HSPA12A: variants seen among roughly 807,000 people sequenced by gnomAD.
The protein encoded by HSPA12A is heat shock 70 kDa protein 12A.
HSPA12A carries 28 observed loss-of-function variants against 69.2 expected under a neutral mutation model. The observed-to-expected ratio is 0.40, with a 90% CI of 0.30 to 0.55. The LOEUF is 0.55. Among genes scored for constraint, HSPA12A ranks in the 20% least tolerant of loss-of-function variants. HSPA12A has a pLI of 0.38. For missense variants in HSPA12A, 686 were observed against 900.7 expected, an observed-to-expected ratio of 0.76 and a Z score of 3.05; for synonymous variants, 345 against 370.5, an observed-to-expected ratio of 0.93 and a Z score of 0.79.
chr10:116,798,199 AGCAGGGGTG>A (rs1229673460), intron 2 of HSPA12A, among the ~76,000 whole-genome samples: 1 of 151,442 alleles, frequency 6.6e-6, no homozygotes, highest in Non-Finnish European at 1.5e-5. Context: ...TGGGGCAGGG[AGCAGGGGTG>A]GCAGGAGGGA....
At chr10:116,791,041 G>A (rs553730175) in intron 2 of HSPA12A, among the ~76,000 whole-genome samples, 6 of 152,294 alleles carry the variant, frequency 3.9e-5, no homozygotes, top group South Asian at 2.1e-4. Context: ...CTAAATCTAC[G>A]TGTTTATTTG....
chr10:116,767,396 C>T (rs146585581), intron 2 of HSPA12A, among the ~76,000 whole-genome samples: 27 of 152,306 alleles, frequency 1.8e-4, no homozygotes, highest in African/African-American at 5.3e-4. Flanking sequence ...CAGCACTGTC[C>T]CTGCAGAGCT....
intron 2 of HSPA12A, among the ~76,000 whole-genome samples, chr10:116,827,050 A>G (rs1845521329): frequency 6.6e-6 from 1 of 152,204 alleles, no homozygotes; most frequent in South Asian, 2.1e-4. Context: ...GGTTCCGCAG[A>G]TGTTGGCTGA....
chr10:116,702,222 C>A (rs1411008803), intron 3 of HSPA12A, among the ~76,000 whole-genome samples: 1 of 152,164 alleles, frequency 6.6e-6, no homozygotes, highest in African/African-American at 2.4e-5. Context: ...GGGGCCACTG[C>A]AGAGAGGCCA....
At chr10:116,762,830 C>G (rs1554889407) in intron 2 of HSPA12A, among the ~76,000 whole-genome samples, 3 of 152,198 alleles carry the variant, frequency 2.0e-5, no homozygotes, top group Non-Finnish European at 2.9e-5. Context: ...CCTGCCTTAG[C>G]CTTCCAGAGT....
In HSPA12A at chr10:116,754,746, A is replaced by G. The variant is rs539601520; in HGVS notation, c.92-47461T>C. Among the ~76,000 whole-genome samples the G allele has an allele frequency of 4.6e-5, 7 of 152,388 alleles. No individual in the cohort carries two copies. In the South Asian group the frequency reaches 1.4e-3, roughly 32 times the overall value. ...TCTGTGTGTATATGGTTAAACACTT[A>G]TTAAACACAGGTAAGTTATAAAACA... On this transcript the variant is annotated intron_variant, in intron 2 of 12. Coordinates refer to the HSPA12A transcript ENST00000635765.
At chr10:116,742,667 G>A, upstream of HSPA12A, 2 of 926,038 alleles carry the variant, frequency 2.2e-6, no homozygotes, top group Non-Finnish European at 2.6e-6. Flanking sequence ...CCGCCCCTCC[G>A]AGCTCGGGCC....
chr10:116,803,281 G>A (rs1011070910), intron 2 of HSPA12A, among the ~76,000 whole-genome samples: 7 of 152,200 alleles, frequency 4.6e-5, no homozygotes, highest in Admixed American at 1.3e-4. Context: ...GCCAACATGC[G>A]TACACGCAGA....
At chr10:116,743,600 G>A (rs1019646870), upstream of HSPA12A, among the ~76,000 whole-genome samples, 1 of 152,196 alleles carries the variant, frequency 6.6e-6, no homozygotes, top group Non-Finnish European at 1.5e-5. Context: ...GTAACCACCA[G>A]CATCCCTCAC....
chr10:116,736,730 G>C (rs1381724849), intron 1 of HSPA12A, among the ~76,000 whole-genome samples: 1 of 152,106 alleles, frequency 6.6e-6, no homozygotes, highest in Non-Finnish European at 1.5e-5. Flanking sequence ...GCAATGAAAT[G>C]GATTATCCCC....
intron 2 of HSPA12A, among the ~76,000 whole-genome samples, chr10:116,770,415 A>T (rs781996148): frequency 6.6e-6 from 1 of 152,218 alleles, no homozygotes; most frequent in Non-Finnish European, 1.5e-5. Context: ...TCAGAGGCTC[A>T]GCGGACACCC....
chr10:116,746,276 A>T (rs1227117539), upstream of HSPA12A, among the ~76,000 whole-genome samples: 1 of 152,200 alleles, frequency 6.6e-6, no homozygotes, highest in Non-Finnish European at 1.5e-5. Flanking sequence ...TGCACCAGAC[A>T]GCCAGGGCAC....
chr10:116,790,188 G>A (rs932211142), intron 2 of HSPA12A, among the ~76,000 whole-genome samples: 7 of 136,996 alleles, frequency 5.1e-5, no homozygotes, highest in East Asian at 5.0e-4. Context: ...TGCAGGCTCC[G>A]CGCCCTGGGG....
chr10:116,745,990 C>G (rs1023159594), upstream of HSPA12A, among the ~76,000 whole-genome samples: 1 of 152,182 alleles, frequency 6.6e-6, no homozygotes, highest in Non-Finnish European at 1.5e-5. Context: ...CCACCTCCCC[C>G]TCTAGCTGCC....
At chr10:116,787,440 C>CAAAA (rs776783179) in intron 2 of HSPA12A, among the ~76,000 whole-genome samples, 21 of 68,500 alleles carry the variant, frequency 3.1e-4, no homozygotes, top group East Asian at 4.3e-4. Flanking sequence ...CTCTAGCCAG[C>CAAAA]AAAAAAAAAA....
intron 5 of HSPA12A, among the ~76,000 whole-genome samples, chr10:116,693,554 A>G (rs575275131): frequency 4.6e-5 from 7 of 152,318 alleles, no homozygotes; most frequent in African/African-American, 1.7e-4. Context: ...CAAATCTGTA[A>G]TCAAACCGAA....
chr10:116,789,504 G>T (rs1397766926), intron 2 of HSPA12A, among the ~76,000 whole-genome samples: 1 of 152,060 alleles, frequency 6.6e-6, no homozygotes, highest in African/African-American at 2.4e-5. Flanking sequence ...CTCGATGATA[G>T]AATTCTGAAT....
At chr10:116,761,954 T>C (rs1018538086) in intron 2 of HSPA12A, among the ~76,000 whole-genome samples, 4 of 152,244 alleles carry the variant, frequency 2.6e-5, no homozygotes, top group Admixed American at 6.5e-5. Flanking sequence ...AGTTTCAATT[T>C]GCTTTCAATT....
chr10:116,761,487 CAAAAAAA>C, intron 2 of HSPA12A, among the ~76,000 whole-genome samples: 1 of 90,486 alleles, frequency 1.1e-5, no homozygotes, highest in South Asian at 3.5e-4. Flanking sequence ...GACTCCATCT[CAAAAAAA>C]AAAAAAAGAA....
Sources: allele counts gnomAD v4.1 joint callset (sites outside exome capture counted in the v4.1 genomes callset), GRCh38; gene constraint gnomAD v4.1.1; transcripts MANE v1.5; gene names NCBI Gene and HGNC (gene_info 2026-07-23, HGNC 2026-07-21).